Variants in RIC1 observed in about 807,000 individuals in gnomAD.
The protein encoded by RIC1 is RIC1 partner of RAB6A GEF complex.
Under a neutral mutation model 169.0 loss-of-function variants are expected in RIC1, and 88 were observed. The ratio of observed to expected loss-of-function variants is 0.52; its 90% confidence interval spans 0.44 to 0.62. The LOEUF is 0.62. RIC1 is among the 20% of genes least tolerant of loss of function. The pLI is 0.00. For missense variants in RIC1, 1,877 were observed against 1,725.5 expected (o/e 1.09, Z -1.56); for synonymous variants, 790 against 601.5 (o/e 1.31, Z -4.59).
intron 1 of RIC1, among the ~76,000 whole-genome samples, chr9:5,649,423 A>G (rs1162721101): frequency 6.6e-6 from 1 of 152,106 alleles, no homozygotes; most frequent in Admixed American, 6.6e-5. Context: ...AGTTATTTCA[A>G]AAATCTGAAA....
chr9:5,713,970 G>A lies in RIC1; in HGVS notation c.407G>A (p.Arg136Lys), dbSNP rs921821578. 2.0e-5 allele frequency: 33 copies of A among 1,612,426 alleles called. No homozygotes were observed. The highest frequency in any genetic ancestry group is 1.2e-4 in the Admixed American group (7 of 59,968). The change falls in exon 4 of 26, where the codon AGG becomes AAG. Residue 136 changes from arginine (R) to lysine (K), a missense_variant. Arg to Lys is a conservative substitution (Grantham distance 26, BLOSUM62 2). Coordinates refer to ENST00000414202, the MANE Select transcript of RIC1 (RefSeq NM_020829.4). ...QCAPALNLEM[R>K]KILDLQAPIM... ...GCTCCAGCATTAAATTTGGAGATGA[G>A]GAAAATACTGGATTTACAAGCACCC...
intron 4 of RIC1, among the ~76,000 whole-genome samples, chr9:5,716,579 C>T (rs1174689041): frequency 2.6e-5 from 4 of 152,208 alleles, no homozygotes; most frequent in Non-Finnish European, 5.9e-5. Flanking sequence ...TGCCACTGCA[C>T]TCCAGCCAGG....
intron 21 of RIC1, among the ~76,000 whole-genome samples, chr9:5,766,584 G>A (rs1826774903): frequency 6.6e-6 from 1 of 152,002 alleles, no homozygotes. Context: ...ACATATCAGT[G>A]AGAACATACT....
chr9:5,747,557 C>G (rs748206131), intron 12 of RIC1, 52 bp downstream of exon 12: 4 of 1,425,312 alleles, frequency 2.8e-6, no homozygotes, highest in Admixed American at 1.7e-5. Context: ...TAGGATATCA[C>G]CTGGAACAGA....
At position 5,660,337 on chromosome 9, in the gene RIC1, A is replaced by G. The variant is rs560339851; in HGVS notation, c.252+3647A>G. Among the ~76,000 whole-genome samples, 5 of 152,166 alleles carry G rather than the reference A, an allele frequency of 3.3e-5. No homozygotes were observed. The East Asian group carries it at 7.7e-4, about 24-fold the overall frequency. ...ATATATGCATGCATGAATGTTTGTA[A>G]TAGAATGATTTATATTTTGGGGGGT... On this transcript the variant is annotated intron_variant, in intron 2 of 25. Transcript: ENST00000414202.
At chr9:5,684,733 A>G (rs1418405612) in intron 2 of RIC1, among the ~76,000 whole-genome samples, 2 of 152,118 alleles carry the variant, frequency 1.3e-5, no homozygotes, top group Non-Finnish European at 2.9e-5. Context: ...TACTGCCTAG[A>G]GTCTAGACAG....
At chr9:5,639,506 CAT>C (rs1294006083) in intron 1 of RIC1, among the ~76,000 whole-genome samples, 1 of 152,184 alleles carries the variant, frequency 6.6e-6, no homozygotes, top group Non-Finnish European at 1.5e-5. Flanking sequence ...TGTGACCTAT[CAT>C]ATGAGCAATC....
At position 5,765,458 on chromosome 9, in the gene RIC1, A is replaced by G. The variant is rs758844052; in HGVS notation, c.2886A>G (p.Leu962=). 6 of 1,614,154 alleles carry G rather than the reference A, an allele frequency of 3.7e-6. No homozygotes were observed. Among genetic ancestry groups the G allele is most frequent in the South Asian group, 1.1e-5 (1 of 91,090 alleles). Residue 962 remains leucine (L), a synonymous_variant, in exon 20 of 26, where the codon CTA becomes CTG. Coordinates refer to ENST00000414202, the MANE Select transcript of RIC1 (RefSeq NM_020829.4). ...TAAGTAGGCAACATGCTACCCTTCT[A>G]TTCAACACAGCACTAGAACAAGGCA... ...PAVSRQHATL[L]FNTALEQGKW...
At chr9:5,667,658 C>A (rs1287730534) in intron 2 of RIC1, among the ~76,000 whole-genome samples, 1 of 152,060 alleles carries the variant, frequency 6.6e-6, no homozygotes, top group Non-Finnish European at 1.5e-5. Flanking sequence ...CACGCACCAC[C>A]ACGCCTGGCT....
intron 2 of RIC1, among the ~76,000 whole-genome samples, chr9:5,664,205 C>G (rs778720545): frequency 6.6e-6 from 1 of 151,980 alleles, no homozygotes; most frequent in African/African-American, 2.4e-5. Context: ...GTCAAGAGAT[C>G]GACACCATCC....
At chr9:5,644,790 AACT>A (rs1818421407) in intron 1 of RIC1, among the ~76,000 whole-genome samples, 1 of 152,210 alleles carries the variant, frequency 6.6e-6, no homozygotes, top group Non-Finnish European at 1.5e-5. Flanking sequence ...CTAGGAGTGC[AACT>A]ACTAAGTCAT....
At chr9:5,698,001 G>C (rs1346901635) in intron 3 of RIC1, among the ~76,000 whole-genome samples, 12 of 152,208 alleles carry the variant, frequency 7.9e-5, no homozygotes, top group Non-Finnish European at 1.6e-4. Flanking sequence ...TGGGAGAGAA[G>C]TCAGGACTTA....
chr9:5,635,164 G>C (rs986198092), intron 1 of RIC1, among the ~76,000 whole-genome samples: 2 of 152,098 alleles, frequency 1.3e-5, no homozygotes, highest in Non-Finnish European at 2.9e-5. Flanking sequence ...ATTTTTTGAA[G>C]AGATGTGGTC....
At position 5,770,307 on chromosome 9, in the gene RIC1, C is replaced by T. The variant is rs568492740; in HGVS notation, c.3616+29C>T. On this transcript the variant is annotated intron_variant, in intron 23 of 25. Transcript: ENST00000414202. ...AATGTAATTTTAAATCCTAGCTCTT[C>T]AGTTCCTTTGAAGAAAATTTATGTG... 11 of 1,585,082 alleles carry T rather than the reference C, an allele frequency of 6.9e-6. No individual in the cohort carries two copies. The African/African-American group carries it at 9.5e-5, about 14-fold the overall frequency.
intron 6 of RIC1, among the ~76,000 whole-genome samples, chr9:5,730,640 A>T (rs1340777696): frequency 6.6e-6 from 1 of 152,098 alleles, no homozygotes; most frequent in African/African-American, 2.4e-5. Flanking sequence ...AGTGATTGGG[A>T]AGGGCACTAT....
Position 5,774,855 on chromosome 9 carries a change from T to TAGCA in RIC1, c.*613_*616dup, listed in dbSNP as rs1251842222. On this transcript the variant is annotated 3_prime_UTR_variant, in exon 26 of 26. Transcript: ENST00000414202. ...TACCTGTGAGTTAATGTGCTTGTTT[T>TAGCA]AGCAAGCTTGATTCCCATTAGACCA... is the stretch of plus-strand genomic sequence containing the variant. The TAGCA allele has an allele frequency of 1.3e-5, 2 of 152,276 alleles. No homozygotes were observed. Among genetic ancestry groups the TAGCA allele is most frequent in the African/African-American group, 4.8e-5 (2 of 41,464 alleles). 9.4% of individuals were successfully genotyped at this position (152,276 alleles called of 1,614,324 possible). A position where few individuals can be genotyped will look rare whatever the true frequency, so the allele number is the denominator to read the frequency against.
chr9:5,691,785 A>G (rs1196778088), intron 3 of RIC1, among the ~76,000 whole-genome samples: 1 of 151,996 alleles, frequency 6.6e-6, no homozygotes, highest in Non-Finnish European at 1.5e-5. Context: ...CAGAAACAAC[A>G]ATTTAACTCC....
At chr9:5,721,924 T>C (rs1293704616) in intron 6 of RIC1, among the ~76,000 whole-genome samples, 1 of 151,844 alleles carries the variant, frequency 6.6e-6, no homozygotes, top group Non-Finnish European at 1.5e-5. Flanking sequence ...ATTTTGCTCT[T>C]GTTGTCCAGA....
intron 6 of RIC1, among the ~76,000 whole-genome samples, chr9:5,728,285 A>G (rs1334691649): frequency 3.3e-5 from 5 of 152,324 alleles, no homozygotes; most frequent in East Asian, 1.9e-4. Context: ...TTGCAGTTCA[A>G]TCTGAGTTGC....
Sources: gnomAD v4.1 joint callset for allele counts (sites outside exome capture counted in the v4.1 genomes callset) on GRCh38, gnomAD v4.1.1 for gene constraint, MANE v1.5 for transcripts, NCBI Gene and HGNC (gene_info 2026-07-23, HGNC 2026-07-21) for gene names.